The following DCN variants were observed in gnomAD, a reference collection of about 807,000 sequenced individuals.
DCN encodes the protein bone proteoglycan II.
In DCN, 17 loss-of-function variants were observed where a neutral mutation model predicts 36.5. That is an observed-to-expected ratio of 0.47 (90% CI 0.32 to 0.70). The LOEUF is 0.70. Among genes scored for constraint, DCN ranks in the 30% least tolerant of loss-of-function variants. The pLI, the probability that DCN is intolerant of heterozygous loss-of-function variation, is 0.04. For synonymous variants in DCN, 163 were observed against 161.4 expected, an observed-to-expected ratio of 1.01 and a Z score of -0.07; for missense variants, 389 against 430.1, an observed-to-expected ratio of 0.90 and a Z score of 0.84.
intron 2 of DCN, among the ~76,000 whole-genome samples, chr12:91,167,192 G>A (rs1462868688): frequency 1.3e-5 from 2 of 151,956 alleles, no homozygotes; most frequent in African/African-American, 4.8e-5. Flanking sequence ...GTAATATGCT[G>A]TACCTGTAAG....
intron 3 of DCN, among the ~76,000 whole-genome samples, chr12:91,163,249 C>T (rs1882277333): frequency 6.6e-6 from 1 of 152,162 alleles, no homozygotes; most frequent in Non-Finnish European, 1.5e-5. Flanking sequence ...CAAGGCTTAC[C>T]TCTATTTTAT....
At chr12:91,164,755 A>T in intron 2 of DCN, 38 bp from the exon 3 acceptor site, 1 of 1,008,608 alleles carries the variant, frequency 9.9e-7, no homozygotes, top group Non-Finnish European at 1.6e-6. Context: ...GTGAGTAGAA[A>T]GGACATGTGG....
rs1292271431 is a variant in DCN at position 91,140,615 on chromosome 12, T to C, written c.*5443A>G. On this transcript the variant is annotated 3_prime_UTR_variant, in exon 8 of 8. Transcript: ENST00000052754. ...GCTTAGTTTGGACAAAGTCAAGTCA[T>C]TTCTGTGCTGATAAAGAAGGATCAC... is the stretch of plus-strand genomic sequence containing the variant. The C allele has an allele frequency of 6.6e-6, 1 of 152,200 alleles. No individual in the cohort carries two copies. The allele number at this position is 152,200 out of a possible 1,614,324, so 9.4% of individuals were successfully genotyped here.
rs373986662 is a variant in DCN, at chr12:91,153,075, G to A, written c.746+21C>T. ...TACCTAGCCATTGTTCTGATAGAAT[G>A]TCATGAAAGAATATTATTACTTAGC... On this transcript the variant is annotated intron_variant, in intron 6 of 7. Coordinates refer to ENST00000052754, the MANE Select transcript of DCN (RefSeq NM_001920.5). 1.7e-5 allele frequency: 21 copies of A among 1,265,668 alleles called. No homozygotes were observed. The African/African-American group carries it at 2.1e-4, about 12-fold the overall frequency. The allele number at this position is 1,265,668 out of a possible 1,614,324, so 78.4% of individuals were successfully genotyped here. A position where few individuals can be genotyped will look rare whatever the true frequency, so the allele number is the denominator to read the frequency against.
chr12:91,162,648 G>A (rs1882234894), intron 3 of DCN, among the ~76,000 whole-genome samples: 2 of 152,192 alleles, frequency 1.3e-5, no homozygotes, highest in East Asian at 1.9e-4. Flanking sequence ...TTCATTATAC[G>A]AAGCTGTGAA....
At chr12:91,157,313 A>G (rs1428634202) in intron 4 of DCN, 125 bp from the exon 5 acceptor site, 4 of 738,220 alleles carry the variant, frequency 5.4e-6, no homozygotes, top group African/African-American at 5.3e-5. Context: ...CTAAAAAACA[A>G]AAGTGAAGTT....
chr12:91,178,843 G>C (rs375140720), intron 1 of DCN, among the ~76,000 whole-genome samples: 24 of 152,152 alleles, frequency 1.6e-4, no homozygotes, highest in East Asian at 1.2e-3. Flanking sequence ...TCTAAACTAA[G>C]ATGATATACT....
At chr12:91,147,975 T>C (rs1881137034) in intron 7 of DCN, among the ~76,000 whole-genome samples, 1 of 152,184 alleles carries the variant, frequency 6.6e-6, no homozygotes, top group Non-Finnish European at 1.5e-5. Context: ...AGAAATGAGT[T>C]TACAGTTCAC....
At chr12:91,148,005 T>TA (rs1248717412) in intron 7 of DCN, among the ~76,000 whole-genome samples, 1 of 151,936 alleles carries the variant, frequency 6.6e-6, no homozygotes, top group Non-Finnish European at 1.5e-5. Context: ...ATGAGTTCTG[T>TA]AGGTCAAGAA....
chr12:91,172,671 T>C, intron 2 of DCN: 1 of 663,346 alleles, frequency 1.5e-6, no homozygotes, highest in Non-Finnish European at 2.7e-6. Context: ...CAATCAGGCA[T>C]GTTCCCTTCT....
intron 2 of DCN, chr12:91,176,667 T>A (rs1883307821): frequency 6.6e-6 from 1 of 152,168 alleles, no homozygotes; most frequent in Non-Finnish European, 1.5e-5. Flanking sequence ...AAAACTTCAC[T>A]AAAGTGACTG....
At chr12:91,161,863 A>G (rs1182599014) in intron 3 of DCN, among the ~76,000 whole-genome samples, 1 of 152,124 alleles carries the variant, frequency 6.6e-6, no homozygotes, top group Non-Finnish European at 1.5e-5. Context: ...TTAAGTCCAT[A>G]ACACTCACTA....
intron 2 of DCN, among the ~76,000 whole-genome samples, chr12:91,178,040 T>C (rs147932038): frequency 6.6e-6 from 1 of 152,092 alleles, no homozygotes; most frequent in East Asian, 1.9e-4. Flanking sequence ...CTTTTTTAAT[T>C]CAAAATTTTA....
intron 7 of DCN, among the ~76,000 whole-genome samples, chr12:91,148,721 CAAAAAAAAAAAAAAAAA>C (rs5799978): frequency 4.0e-5 from 2 of 49,478 alleles, no homozygotes; most frequent in African/African-American, 1.3e-4. Flanking sequence ...CGCTCCGACT[CAAAAAAAAAAAAAAAAA>C]AAAAAAAAAA....
rs746858264 is a variant in DCN, at chr12:91,178,322, A to G, written c.211+20T>C. ...AATAAAACAAGTAAGGTAGGTAAAG[A>G]GAAACTGCATCCCACTCACCCAAAT... On this transcript the variant is annotated intron_variant, in intron 2 of 7. Coordinates refer to ENST00000052754, the MANE Select transcript of DCN (RefSeq NM_001920.5). The G allele has an allele frequency of 2.5e-6, 4 of 1,603,980 alleles. No individual in the cohort carries two copies. The highest frequency in any genetic ancestry group is 1.7e-5 in the Admixed American group (1 of 59,930).
rs1034833918 is a variant in DCN, at chr12:91,145,598, T to G, written c.*460A>C. The G allele has an allele frequency of 1.1e-4, 20 of 178,918 alleles. No individual in the cohort carries two copies. The highest frequency in any genetic ancestry group is 2.4e-4 in the Non-Finnish European group (20 of 82,550). 11.1% of individuals were successfully genotyped at this position (178,918 alleles called of 1,614,324 possible). A position where few individuals can be genotyped will look rare whatever the true frequency, so the allele number is the denominator to read the frequency against. ...AGTAAAAATTTTACATAGCCTGTAT[T>G]GAATTCACACATTCAAATGAGGCTT... is the stretch of plus-strand genomic sequence containing the variant. On this transcript the variant is annotated 3_prime_UTR_variant, in exon 8 of 8. Transcript: ENST00000052754.
At chr12:91,154,228 G>A (rs201263664) in intron 5 of DCN, among the ~76,000 whole-genome samples, 2 of 152,154 alleles carry the variant, frequency 1.3e-5, no homozygotes, top group East Asian at 3.9e-4. Context: ...ATGATTCTTA[G>A]TTTCCTATGG....
chr12:91,149,515 C>T (rs1480143318), intron 7 of DCN, among the ~76,000 whole-genome samples: 2 of 152,174 alleles, frequency 1.3e-5, no homozygotes, highest in Non-Finnish European at 2.9e-5. Context: ...AATGAATGCT[C>T]CCTCCTCCTA....
At chr12:91,156,040 C>G (rs979973606) in intron 5 of DCN, among the ~76,000 whole-genome samples, 1 of 152,128 alleles carries the variant, frequency 6.6e-6, no homozygotes, top group African/African-American at 2.4e-5. Context: ...GAGGGGAAAA[C>G]TAGATAATAT....
Sources: gnomAD v4.1 joint callset for allele counts (sites outside exome capture counted in the v4.1 genomes callset) on GRCh38, gnomAD v4.1.1 for gene constraint, MANE v1.5 for transcripts, NCBI Gene and HGNC (gene_info 2026-07-23, HGNC 2026-07-21) for gene names.